SLC35F1: variants seen among roughly 807,000 people sequenced by gnomAD.
The protein encoded by SLC35F1 is solute carrier family 35 member F1, also known as chromosome 6 open reading frame 169.
In SLC35F1, 14 loss-of-function variants were observed where a neutral mutation model predicts 48.7. The ratio of observed to expected loss-of-function variants is 0.29; its 90% CI spans 0.19 to 0.45. The LOEUF is 0.45. SLC35F1 is among the 20% of genes least tolerant of loss of function. The pLI, the probability that SLC35F1 is intolerant of heterozygous loss-of-function variation, is 1.00. For missense variants in SLC35F1, 404 were observed against 500.0 expected (o/e 0.81, Z 1.83); for synonymous variants, 190 against 202.2 (o/e 0.94, Z 0.51).
At chr6:118,002,566 A>G (rs1777117255) in intron 1 of SLC35F1, among the ~76,000 whole-genome samples, 1 of 151,966 alleles carries the variant, frequency 6.6e-6, no homozygotes, top group Non-Finnish European at 1.5e-5. Flanking sequence ...TAACCTGCAC[A>G]TTGTGCACAT....
intron 1 of SLC35F1, among the ~76,000 whole-genome samples, chr6:118,043,393 G>A (rs1772255401): frequency 6.6e-6 from 1 of 151,408 alleles, no homozygotes; most frequent in South Asian, 2.1e-4. Context: ...GAAGAGTTTT[G>A]AATAAGGATT....
chr6:118,146,858 C>A (rs1773981279), intron 1 of SLC35F1, among the ~76,000 whole-genome samples: 1 of 152,074 alleles, frequency 6.6e-6, no homozygotes, highest in Non-Finnish European at 1.5e-5. Context: ...AGAGTTTAAT[C>A]AAATTCATAA....
intron 1 of SLC35F1, among the ~76,000 whole-genome samples, chr6:117,991,815 C>CT (rs931324762): frequency 6.6e-6 from 1 of 152,076 alleles, no homozygotes; most frequent in Non-Finnish European, 1.5e-5. Context: ...TTATTTTATA[C>CT]TTTTTTGGTT....
At chr6:118,229,359 C>T (rs1211216834) in intron 2 of SLC35F1, among the ~76,000 whole-genome samples, 2 of 152,180 alleles carry the variant, frequency 1.3e-5, no homozygotes, top group African/African-American at 4.8e-5. Context: ...GGGACACATT[C>T]TGATCTCTAA....
chr6:118,068,589 C>T (rs1008477728), intron 1 of SLC35F1, among the ~76,000 whole-genome samples: 2 of 152,142 alleles, frequency 1.3e-5, no homozygotes, highest in Non-Finnish European at 2.9e-5. Context: ...GTATATTTGC[C>T]ACTTCTTAGT....
At position 118,064,759 on chromosome 6, in the gene SLC35F1, G is replaced by T. The variant is rs72959872; in HGVS notation, c.174-89686G>T. 6.8e-3 allele frequency among the ~76,000 whole-genome samples: 1,028 copies of T among 152,246 alleles called. 7 individuals carry two copies. The highest frequency in any genetic ancestry group is 0.011 in the Non-Finnish European group (716 of 68,004). ...AGCCCTAAGGAATTTATTACTATCT[G>T]CATTATGCCATATGTGTAATGGTTA... is the stretch of plus-strand genomic sequence containing the variant. On this transcript the variant is annotated intron_variant, in intron 1 of 7. Transcript: ENST00000360388.
At chr6:118,241,491 A>G (rs918454574) in intron 3 of SLC35F1, among the ~76,000 whole-genome samples, 1 of 152,086 alleles carries the variant, frequency 6.6e-6, no homozygotes, top group African/African-American at 2.4e-5. Context: ...GCTTTCCCCA[A>G]TGGTGACATT....
chr6:118,305,830 C>T (rs1460189501), intron 7 of SLC35F1, among the ~76,000 whole-genome samples: 1 of 152,148 alleles, frequency 6.6e-6, no homozygotes, highest in African/African-American at 2.4e-5. Flanking sequence ...TGTAACTGGT[C>T]ACATGGTTGC....
At chr6:118,105,161 A>C (rs529050718) in intron 1 of SLC35F1, among the ~76,000 whole-genome samples, 64 of 152,266 alleles carry the variant, frequency 4.2e-4, no homozygotes, top group African/African-American at 1.5e-3. Context: ...CCCCTTCTGT[A>C]GTGAACATGC....
chr6:118,316,999 GACA>G lies in SLC35F1; in HGVS notation c.*2751_*2753del, dbSNP rs1776446043. 1 of 152,574 alleles carries G rather than the reference GACA, an allele frequency of 6.6e-6. No individual in the cohort carries two copies. Among genetic ancestry groups the G allele is most frequent in the Non-Finnish European group, 1.5e-5 (1 of 68,032 alleles). 9.5% of individuals were successfully genotyped at this position (152,574 alleles called of 1,614,324 possible). A position where few individuals can be genotyped will look rare whatever the true frequency, so the allele number is the denominator to read the frequency against. ...GGAATGGGGCGGGAAATGGGAGTAG[GACA>G]ACATTAACTTTAGCTGTTTTAGTTT... On this transcript the variant is annotated 3_prime_UTR_variant, in exon 8 of 8. Transcript: ENST00000360388.
At chr6:117,963,230 C>A (rs920172877) in intron 1 of SLC35F1, among the ~76,000 whole-genome samples, 2 of 152,098 alleles carry the variant, frequency 1.3e-5, no homozygotes, top group East Asian at 3.8e-4. Context: ...CTAGAATTTA[C>A]CACATATGAT....
At position 118,267,074 on chromosome 6, in the gene SLC35F1, T is replaced by A. The variant is rs781617888; in HGVS notation, c.557T>A (p.Phe186Tyr). 33 of 1,613,926 alleles carry A rather than the reference T, an allele frequency of 2.0e-5. No homozygotes were observed. The highest frequency in any genetic ancestry group is 2.8e-5 in the Non-Finnish European group (33 of 1,179,932). ...CTGATCCGGTACAAGGCTGTGCATT[T>A]CATCGGCATCGTTGTCTGCATCCTG... is the stretch of plus-strand genomic sequence containing the variant. ...FLLIRYKAVH[F>Y]IGIVVCILGM... is the part of the protein sequence containing the mutation. The change falls in exon 4 of 8, where the codon TTC becomes TAC. Residue 186 changes from phenylalanine to tyrosine, a missense_variant. Physicochemically the swap from Phe to Tyr is conservative, Grantham distance 22. Transcript: ENST00000360388.
chr6:117,941,921 A>G (rs922119135), intron 1 of SLC35F1, among the ~76,000 whole-genome samples: 1 of 152,164 alleles, frequency 6.6e-6, no homozygotes, highest in Non-Finnish European at 1.5e-5. Context: ...ATCTAAGCAG[A>G]TATTCTTCTT....
chr6:118,024,432 T>G (rs1777437195), intron 1 of SLC35F1, among the ~76,000 whole-genome samples: 1 of 152,224 alleles, frequency 6.6e-6, no homozygotes, highest in Admixed American at 6.5e-5. Context: ...TCCAATTTCT[T>G]TGCAACTTCT....
At chr6:118,171,827 G>T (rs1774408884) in intron 2 of SLC35F1, among the ~76,000 whole-genome samples, 1 of 151,998 alleles carries the variant, frequency 6.6e-6, no homozygotes, top group Non-Finnish European at 1.5e-5. Flanking sequence ...GTGTCCCAGT[G>T]GACTCCTTTT....
Position 118,207,403 on chromosome 6 carries a change from G to A in SLC35F1, c.350-28106G>A, listed in dbSNP as rs139257790. ...TGTATGTAATAAATTGCAAGGCCTAGGAAGCATGTTCTGCAGAATATGACT... is the reference window on the plus strand; with the variant it reads ...TGTATGTAATAAATTGCAAGGCCTAAGAAGCATGTTCTGCAGAATATGACT... On this transcript the variant is annotated intron_variant, in intron 2 of 7. Transcript: ENST00000360388. 2.2e-3 allele frequency among the ~76,000 whole-genome samples: 339 copies of A among 152,320 alleles called. 1 individual carries two copies. The highest frequency in any genetic ancestry group is 7.8e-3 in the African/African-American group (323 of 41,560).
chr6:118,220,296 G>A (rs1220061249), intron 2 of SLC35F1, among the ~76,000 whole-genome samples: 1 of 152,064 alleles, frequency 6.6e-6, no homozygotes, highest in African/African-American at 2.4e-5. Flanking sequence ...AGTCAATGTG[G>A]GTCAAATTGA....
chr6:118,260,640 G>A (rs541078149), intron 3 of SLC35F1, among the ~76,000 whole-genome samples: 5 of 152,142 alleles, frequency 3.3e-5, no homozygotes, highest in Admixed American at 6.5e-5. Context: ...AATTTCCTGA[G>A]GGAAGAAAGA....
At chr6:118,148,710 G>A (rs927451510) in intron 1 of SLC35F1, among the ~76,000 whole-genome samples, 10 of 152,150 alleles carry the variant, frequency 6.6e-5, no homozygotes, top group Non-Finnish European at 1.5e-4. Flanking sequence ...ATGTTAGAAT[G>A]CATCTGGTGT....
Sources: allele counts gnomAD v4.1 joint callset (sites outside exome capture counted in the v4.1 genomes callset), GRCh38; gene constraint gnomAD v4.1.1; transcripts MANE v1.5; gene names NCBI Gene and HGNC (gene_info 2026-07-23, HGNC 2026-07-21).